Variants in PTGES2 observed in about 807,000 individuals in gnomAD.
PTGES2 encodes the protein prostaglandin E synthase 2.
A neutral mutation model predicts 44.5 loss-of-function variants in PTGES2; 35 were observed. The ratio of observed to expected loss-of-function variants is 0.79; its 90% CI spans 0.60 to 1.04. PTGES2 has a LOEUF of 1.04. Ranked by LOEUF, PTGES2 falls within the 50% of genes least tolerant of loss-of-function variation. The pLI, the probability that PTGES2 is intolerant of heterozygous loss-of-function variation, is 0.00. For synonymous variants in PTGES2, 221 were observed against 227.5 expected (o/e 0.97, Z 0.26); for missense variants, 517 against 521.4 (o/e 0.99, Z 0.08).
chr9:128,127,699 C>G lies in PTGES2; in HGVS notation c.19G>C (p.Val7Leu). The change falls in exon 1 of 7, where the codon GTG becomes CTG. Residue 7 changes from valine (V) to leucine (L), a missense_variant. Val to Leu is a conservative substitution (Grantham distance 32, BLOSUM62 1). Coordinates refer to ENST00000338961, the MANE Select transcript of PTGES2 (RefSeq NM_025072.7). ...CCACCAGGCCACAGCGCCCGCACCA[C>G]CCGCGCAGCCGGGTCCATGTTCGCT... The part of the protein sequence containing the change: MDPAAR[V>L]VRALWPGGCA... 7.8e-7 allele frequency: 1 copy of G among 1,285,302 alleles called. No individual in the cohort carries two copies. The allele number at this position is 1,285,302 out of a possible 1,614,324, so 79.6% of individuals were successfully genotyped here.
In PTGES2 at chr9:128,122,403, G is replaced by A. The variant is rs1227879224; in HGVS notation, c.964C>T (p.Arg322Trp). 10 of 1,614,066 alleles carry A rather than the reference G, an allele frequency of 6.2e-6. No homozygotes were observed. Among genetic ancestry groups the A allele is most frequent in the East Asian group, 2.2e-5 (1 of 44,896 alleles). The change falls in exon 6 of 7, where the codon CGG (arginine) becomes TGG (tryptophan). Residue 322 changes from arginine to tryptophan, a missense_variant. Coordinates refer to ENST00000338961, the MANE Select transcript of PTGES2 (RefSeq NM_025072.7). Reference protein sequence around the residue: ...DKWVAAVGKDRPFMGGQKPNL... With the variant: ...DKWVAAVGKDWPFMGGQKPNL... ...GGCTTCTGGCCCCCCATGAAGGGCC[G>A]GTCCTTGCCCACAGCAGCCACCCAC...
At chr9:128,127,843 C>T (rs1017865206), upstream of PTGES2, 8 of 964,888 alleles carry the variant, frequency 8.3e-6, no homozygotes, top group Non-Finnish European at 1.1e-5. Context: ...TAAGGGAACC[C>T]TCAGCGCTCT....
chr9:128,122,387 C>A lies in PTGES2; in HGVS notation c.980G>T (p.Gly327Val). The change falls in exon 6 of 7, where the codon GGC becomes GTC. Residue 327 changes from glycine (G) to valine (V), a missense_variant. Transcript: ENST00000338961. Reference protein sequence around the residue: ...AVGKDRPFMGGQKPNLADLAV... With the variant: ...AVGKDRPFMGVQKPNLADLAV... Reference sequence around the variant, plus strand: ...CAAATCAGCGAGATTCGGCTTCTGGCCCCCCATGAAGGGCCGGTCCTTGCC... The same window carrying A: ...CAAATCAGCGAGATTCGGCTTCTGGACCCCCATGAAGGGCCGGTCCTTGCC... 1.2e-6 allele frequency: 2 copies of A among 1,613,998 alleles called. No homozygotes were observed. The highest frequency in any genetic ancestry group is 1.7e-6 in the Non-Finnish European group (2 of 1,179,864).
At position 128,122,445 on chromosome 9, in the gene PTGES2, A is replaced by T; in HGVS notation, c.922T>A (p.Tyr308Asn). 1.2e-6 allele frequency: 2 copies of T among 1,614,026 alleles called. No individual in the cohort carries two copies. Among genetic ancestry groups the T allele is most frequent in the Non-Finnish European group, 1.7e-6 (2 of 1,179,884 alleles). ...RLQDNVREDLYEAADKWVAAV... is the reference protein window; with the variant it reads ...RLQDNVREDLNEAADKWVAAV... ...GCCACCCACTTGTCAGCAGCCTCAT[A>T]GAGGTCCTCGCGCACGTTGTCCTGG... is the stretch of plus-strand genomic sequence containing the variant. The change falls in exon 6 of 7, where the codon TAT (tyrosine) becomes AAT (asparagine). Residue 308 changes from tyrosine to asparagine, a missense_variant. Coordinates refer to ENST00000338961, the MANE Select transcript of PTGES2 (RefSeq NM_025072.7).
chr9:128,121,925 A>G (rs935386145), intron 6 of PTGES2, among the ~76,000 whole-genome samples: 2 of 151,990 alleles, frequency 1.3e-5, no homozygotes, highest in Non-Finnish European at 2.9e-5. Flanking sequence ...AAAAAAAACA[A>G]AAACAACAAC....
chr9:128,125,026 T>G (rs975116912), intron 2 of PTGES2, among the ~76,000 whole-genome samples: 33 of 152,328 alleles, frequency 2.2e-4, no homozygotes, highest in Admixed American at 1.4e-3. Flanking sequence ...AGCTGTGGTG[T>G]TCTGCCTCCC....
intron 1 of PTGES2, 22 bp downstream of exon 1, chr9:128,127,416 TC>T: frequency 7.5e-7 from 1 of 1,338,442 alleles, no homozygotes; most frequent in South Asian, 2.1e-5. Flanking sequence ...AGCATCCCCA[TC>T]CCCGGCCGGG....
chr9:128,127,690 C>T lies in PTGES2; in HGVS notation c.28G>A (p.Ala10Thr), dbSNP rs773166184. Residue 10 changes from alanine to threonine, a missense_variant, in exon 1 of 7, where the codon GCG becomes ACG. Coordinates refer to ENST00000338961, the MANE Select transcript of PTGES2 (RefSeq NM_025072.7). ...AAGGCGCACCCACCAGGCCACAGCGCCCGCACCACCCGCGCAGCCGGGTCC... is the reference window on the plus strand; with the variant it reads ...AAGGCGCACCCACCAGGCCACAGCGTCCGCACCACCCGCGCAGCCGGGTCC... Reference protein sequence around the residue: MDPAARVVRALWPGGCALAW... With the variant: MDPAARVVRTLWPGGCALAW... 1.6e-6 allele frequency: 2 copies of T among 1,286,462 alleles called. No homozygotes were observed. The highest frequency in any genetic ancestry group is 2.0e-6 in the Non-Finnish European group (2 of 1,017,256). The allele number at this position is 1,286,462 out of a possible 1,614,324, so 79.7% of individuals were successfully genotyped here. A position where few individuals can be genotyped will look rare whatever the true frequency, so the allele number is the denominator to read the frequency against.
chr9:128,122,835 G>A (rs559916824), intron 5 of PTGES2, 99 bp downstream of exon 5: 28 of 1,312,962 alleles, frequency 2.1e-5, no homozygotes, highest in Non-Finnish European at 2.9e-5. Flanking sequence ...CCTAGGCCTC[G>A]GCCTCCCGCT....
intron 3 of PTGES2, among the ~76,000 whole-genome samples, 162 bp from the exon 4 acceptor site, chr9:128,124,013 A>C (rs1834524847): frequency 6.6e-6 from 1 of 151,956 alleles, no homozygotes; most frequent in South Asian, 2.1e-4. Context: ...CTACCTCCCC[A>C]AGAGAGGGAG....
upstream of PTGES2, chr9:128,128,220 T>C: frequency 2.3e-6 from 1 of 433,548 alleles, no homozygotes; most frequent in Non-Finnish European, 4.6e-6. Flanking sequence ...CTTCCTACTG[T>C]GACCCGAACC....
upstream of PTGES2, chr9:128,128,026 A>C: frequency 2.6e-6 from 1 of 388,358 alleles, no homozygotes. Context: ...GACCGCCTAA[A>C]GGGCGGCGTG....
chr9:128,123,513 T>A lies in PTGES2; in HGVS notation c.686+189A>T, dbSNP rs1834502351. On this transcript the variant is annotated intron_variant, in intron 4 of 6. Coordinates refer to ENST00000338961, the MANE Select transcript of PTGES2 (RefSeq NM_025072.7). This position sits in a 1 kb window ranked among gnomAD's most constrained non-coding sequence, Gnocchi z 4.4. ...TGCCTGCCTCGGCCTCCCAACAGGC[T>A]GGGATTACAGGAGTGAGCCACCACG... 6.6e-6 allele frequency among the ~76,000 whole-genome samples: 1 copy of A among 152,162 alleles called. No individual in the cohort carries two copies. Among genetic ancestry groups the A allele is most frequent in the South Asian group, 2.1e-4 (1 of 4,828 alleles).
intron 1 of PTGES2, among the ~76,000 whole-genome samples, chr9:128,126,387 T>C (rs1398628199): frequency 6.6e-6 from 1 of 152,174 alleles, no homozygotes; most frequent in Non-Finnish European, 1.5e-5. Flanking sequence ...TTTCTACCTC[T>C]TCCTGTTTCA....
intron 6 of PTGES2, 82 bp downstream of exon 6, chr9:128,122,280 G>C: frequency 1.8e-6 from 2 of 1,108,064 alleles, no homozygotes; most frequent in Non-Finnish European, 2.7e-6. Context: ...TGCAAGCACC[G>C]TCCAGGCTTT....
intron 2 of PTGES2, chr9:128,124,825 C>T (rs1834557745): frequency 4.7e-6 from 6 of 1,279,466 alleles, no homozygotes; most frequent in Non-Finnish European, 6.0e-6. Flanking sequence ...CTGGAAGCTA[C>T]ATACTAGACC....
upstream of PTGES2, chr9:128,128,420 C>T (rs1301043102): frequency 2.2e-6 from 1 of 450,574 alleles, no homozygotes; most frequent in Non-Finnish European, 4.5e-6. Context: ...GCATAGGCGT[C>T]TCCGCGGACA....
Position 128,125,280 on chromosome 9 carries a change from C to T in PTGES2, c.441G>A (p.Lys147=). 2 of 1,608,666 alleles carry T rather than the reference C, an allele frequency of 1.2e-6. No individual in the cohort carries two copies. The highest frequency in any genetic ancestry group is 1.7e-6 in the Non-Finnish European group (2 of 1,177,424). ...RAEIKFSSYR[K]VPILVAQEGE... ...CTTCCTGGGCCACCAGGATGGGCAC[C>T]TTTCTGTAGGAGGAGAACTTGATCT... The change falls in exon 2 of 7, where the codon AAG becomes AAA. Residue 147 remains lysine (K), a synonymous_variant. Transcript: ENST00000338961.
In PTGES2 at chr9:128,125,286, G is replaced by A. The variant is rs140535410; in HGVS notation, c.435C>T (p.Tyr145=). 1.2e-5 allele frequency: 19 copies of A among 1,610,510 alleles called. No homozygotes were observed. The African/African-American group carries it at 2.5e-4, about 22-fold the overall frequency. ...GGGCCACCAGGATGGGCACCTTTCT[G>A]TAGGAGGAGAACTTGATCTCAGCCC... ...VRRAEIKFSS[Y]RKVPILVAQE... The change falls in exon 2 of 7, where the codon TAC becomes TAT. Residue 145 remains tyrosine, a synonymous_variant. Coordinates refer to ENST00000338961, the MANE Select transcript of PTGES2 (RefSeq NM_025072.7).
Sources: gnomAD v4.1 joint callset for allele counts (sites outside exome capture counted in the v4.1 genomes callset) on GRCh38, gnomAD v4.1.1 for gene constraint, Gnocchi (gnomAD v3.1) non-coding constraint, MANE v1.5 for transcripts, NCBI Gene and HGNC (gene_info 2026-07-23, HGNC 2026-07-21) for gene names.